The following HERC6 variants were observed in gnomAD, a reference collection of about 807,000 sequenced individuals.
HERC6 encodes HECT and RLD domain containing E3 ubiquitin protein ligase family member 6.
In HERC6, 101 loss-of-function variants were observed where a neutral mutation model predicts 114.5. The ratio of observed to expected loss-of-function variants is 0.88; its 90% confidence interval spans 0.75 to 1.04. HERC6 has a LOEUF of 1.04. Among genes scored for constraint, HERC6 ranks in the 50% least tolerant of loss-of-function variants. The pLI is 0.00. For missense variants in HERC6, 1,133 were observed against 1,230.9 expected (o/e 0.92, Z 1.19); for synonymous variants, 408 against 436.2 (o/e 0.94, Z 0.81).
chr4:88,395,913 C>T, intron 5 of HERC6, 102 bp from the exon 6 acceptor site: 1 of 1,006,304 alleles, frequency 9.9e-7, no homozygotes, highest in South Asian at 2.2e-5. Flanking sequence ...GCTTGTGTTT[C>T]ACAGAGTGCT....
Position 88,396,070 on chromosome 4 carries a change from C to A in HERC6, c.815C>A (p.Pro272His). The A allele has an allele frequency of 6.2e-7, 1 of 1,608,402 alleles. No homozygotes were observed. Among genetic ancestry groups the A allele is most frequent in the South Asian group, 1.1e-5 (1 of 90,238 alleles). ...CGCTCTGGACAGCTGGGATACAGCC[C>A]CACTCCTGAGAAGAGAGGTCCACAA... ...DNRSGQLGYS[P>H]TPEKRGPQLV... Residue 272 changes from proline to histidine, a missense_variant, in exon 6 of 23, where the codon CCC becomes CAC. By Grantham distance (77) the Pro-to-His change is moderately conservative. Coordinates refer to ENST00000264346, the MANE Select transcript of HERC6 (RefSeq NM_017912.4).
At chr4:88,386,461 C>G (rs1256993465) in intron 3 of HERC6, among the ~76,000 whole-genome samples, 1 of 152,144 alleles carries the variant, frequency 6.6e-6, no homozygotes, top group Non-Finnish European at 1.5e-5. Context: ...CTGCCTTGGT[C>G]TCCCAAAGTG....
chr4:88,397,651 C>T (rs530890148), intron 7 of HERC6, among the ~76,000 whole-genome samples: 2 of 151,646 alleles, frequency 1.3e-5, no homozygotes, highest in East Asian at 2.0e-4. Flanking sequence ...GAGCCGAGAT[C>T]GTCCAGCCTG....
At chr4:88,430,033 G>T (rs1263629037) in intron 16 of HERC6, among the ~76,000 whole-genome samples, 1 of 152,164 alleles carries the variant, frequency 6.6e-6, no homozygotes, top group Non-Finnish European at 1.5e-5. Context: ...GGCTTAATTT[G>T]TTATTGAGAT....
chr4:88,403,314 C>A (rs1261934099), intron 8 of HERC6, among the ~76,000 whole-genome samples: 1 of 152,158 alleles, frequency 6.6e-6, no homozygotes, highest in East Asian at 1.9e-4. Flanking sequence ...CAGAATCACC[C>A]ACCAGGTGAT....
chr4:88,407,179 G>A (rs1483371522), intron 10 of HERC6, among the ~76,000 whole-genome samples: 1 of 152,190 alleles, frequency 6.6e-6, no homozygotes, highest in Non-Finnish European at 1.5e-5. Flanking sequence ...GTGGGTTCAT[G>A]TGATTCTTCC....
intron 13 of HERC6, among the ~76,000 whole-genome samples, chr4:88,421,551 G>A (rs1374551850): frequency 6.6e-6 from 1 of 151,276 alleles, no homozygotes; most frequent in Admixed American, 6.6e-5. Context: ...AGGTTCAAGC[G>A]ATTCTCCTGC....
chr4:88,432,266 C>T (rs1245527985), intron 17 of HERC6, among the ~76,000 whole-genome samples: 1 of 151,864 alleles, frequency 6.6e-6, no homozygotes, highest in Admixed American at 6.6e-5. Flanking sequence ...GGTCCTATCC[C>T]CAAGATATCT....
At chr4:88,409,147 A>C (rs1735958174) in intron 11 of HERC6, among the ~76,000 whole-genome samples, 1 of 152,154 alleles carries the variant, frequency 6.6e-6, no homozygotes, top group Non-Finnish European at 1.5e-5. Flanking sequence ...AAATCTTATG[A>C]CCTCCAGAAT....
chr4:88,418,528 T>A (rs1044712769), intron 13 of HERC6, among the ~76,000 whole-genome samples: 1 of 152,134 alleles, frequency 6.6e-6, no homozygotes, highest in Non-Finnish European at 1.5e-5. Flanking sequence ...AGAGCTACAG[T>A]GTTTGAGCCA....
chr4:88,399,463 T>C (rs548664419), intron 8 of HERC6: 6 of 152,290 alleles, frequency 3.9e-5, no homozygotes, highest in African/African-American at 1.4e-4. Context: ...AATATGTAAA[T>C]GCAAAATAAA....
chr4:88,415,642 CTTTTAA>C lies in HERC6; in HGVS notation c.1559-1776_1559-1771del, dbSNP rs1213006572. ...TCTTTGCCATTCTGAGGAAAAAAAA[CTTTTAA>C]TTTTAAGTTGAATTTTTCTTATTAA... On this transcript the variant is annotated intron_variant, in intron 12 of 22. Coordinates refer to ENST00000264346, the MANE Select transcript of HERC6 (RefSeq NM_017912.4). 5.9e-5 allele frequency among the ~76,000 whole-genome samples: 9 copies of C among 152,230 alleles called. No individual in the cohort carries two copies. In the South Asian group the frequency reaches 1.2e-3, roughly 21 times the overall value.
chr4:88,428,174 T>C (rs530132242), intron 15 of HERC6, among the ~76,000 whole-genome samples: 2 of 152,220 alleles, frequency 1.3e-5, no homozygotes, highest in Non-Finnish European at 2.9e-5. Context: ...CCCTGAGCTC[T>C]TATACTGTCT....
chr4:88,439,938 G>T lies in HERC6; in HGVS notation c.2620G>T (p.Glu874Ter). ...CGTCTCTGTAAAAGCAGTTTATGAG[G>T]AATTTCAGAGAGGATTTTATAGAGT... The part of the protein sequence containing the change: ...FNVSVKAVYE[E>*]FQRGFYRVCE... Residue 874 changes from glutamate to a stop codon, truncating the protein, a stop_gained, in exon 21 of 23, where the codon GAA becomes TAA. Transcript: ENST00000264346. LOFTEE classifies it high-confidence loss of function. 6.2e-7 allele frequency: 1 copy of T among 1,607,700 alleles called. No individual in the cohort carries two copies. The highest frequency in any genetic ancestry group is 2.2e-5 in the East Asian group (1 of 44,724).
chr4:88,426,315 T>C (rs771031063), intron 15 of HERC6, among the ~76,000 whole-genome samples: 7 of 151,726 alleles, frequency 4.6e-5, no homozygotes, highest in Non-Finnish European at 8.8e-5. Context: ...ATTACAGGCA[T>C]GCGCCACCAT....
rs922871278 is a variant in HERC6, at chr4:88,409,647, G to A, written c.1368+1030G>A. Among the ~76,000 whole-genome samples, 5 of 152,162 alleles carry A rather than the reference G, an allele frequency of 3.3e-5. No individual in the cohort carries two copies. In the East Asian group the frequency reaches 7.7e-4, roughly 23 times the overall value. On this transcript the variant is annotated intron_variant, in intron 11 of 22. Coordinates refer to ENST00000264346, the MANE Select transcript of HERC6 (RefSeq NM_017912.4). ...TTATCCTGGACTGATCAACTGAAAA[G>A]CCACTTCTGTATTCTGAGATGAAAC...
Position 88,442,483 on chromosome 4 carries a change from G to T in HERC6, c.*23G>T, listed in dbSNP as rs1381634556. ...TAATCACCTCTGAGAGACTCAGGGTGGGCTTTCTCACACTTGGATCCTTCT... is the reference window on the plus strand; with the variant it reads ...TAATCACCTCTGAGAGACTCAGGGTTGGCTTTCTCACACTTGGATCCTTCT... On this transcript the variant is annotated 3_prime_UTR_variant, in exon 23 of 23. Coordinates refer to ENST00000264346, the MANE Select transcript of HERC6 (RefSeq NM_017912.4). 1.3e-6 allele frequency: 2 copies of T among 1,560,346 alleles called. No homozygotes were observed. The highest frequency in any genetic ancestry group is 1.8e-6 in the Non-Finnish European group (2 of 1,133,908).
chr4:88,411,057 G>A (rs761704484), intron 11 of HERC6, among the ~76,000 whole-genome samples: 5 of 152,148 alleles, frequency 3.3e-5, no homozygotes, highest in Non-Finnish European at 7.3e-5. Context: ...ATACCATTTT[G>A]ATGGGTCTGA....
chr4:88,423,063 T>C (rs569148718), intron 13 of HERC6, among the ~76,000 whole-genome samples: 4 of 151,924 alleles, frequency 2.6e-5, no homozygotes, highest in African/African-American at 4.8e-5. Flanking sequence ...TACTGGTTTT[T>C]TTTTTTGTTT....
Sources: allele counts gnomAD v4.1 joint callset (sites outside exome capture counted in the v4.1 genomes callset), GRCh38; gene constraint gnomAD v4.1.1; transcripts MANE v1.5; gene names NCBI Gene and HGNC (gene_info 2026-07-23, HGNC 2026-07-21).